The following KHDRBS2 variants were observed in gnomAD, a reference collection of about 807,000 sequenced individuals.
KHDRBS2 encodes KH RNA binding domain containing, signal transduction associated 2.
A neutral mutation model predicts 44.3 loss-of-function variants in KHDRBS2; 26 were observed. The ratio of observed to expected loss-of-function variants is 0.59; its 90% CI spans 0.43 to 0.81. KHDRBS2 has a LOEUF of 0.81. Among genes scored for constraint, KHDRBS2 ranks in the 40% least tolerant of loss-of-function variants. The probability of loss-of-function intolerance (pLI) is 0.00; values close to 1 mark genes in which losing one functional copy is unlikely to be tolerated. For missense variants in KHDRBS2, 476 were observed against 433.1 expected (o/e 1.10, Z -0.88); for synonymous variants, 194 against 151.1 (o/e 1.28, Z -2.08).
At chr6:61,970,346 T>C (rs1243414697) in intron 4 of KHDRBS2, among the ~76,000 whole-genome samples, 2 of 151,918 alleles carry the variant, frequency 1.3e-5, no homozygotes, top group African/African-American at 4.8e-5. Flanking sequence ...TCAAATGCAT[T>C]TAAAAAAAAA....
intron 4 of KHDRBS2, among the ~76,000 whole-genome samples, chr6:61,920,339 T>A (rs1361269148): frequency 1.3e-5 from 2 of 151,964 alleles, no homozygotes; most frequent in East Asian, 1.9e-4. Flanking sequence ...ATAATATGGA[T>A]GTTAGAAGGA....
intron 1 of KHDRBS2, among the ~76,000 whole-genome samples, chr6:62,280,072 A>G (rs573548955): frequency 6.6e-6 from 1 of 152,312 alleles, no homozygotes; most frequent in Admixed American, 6.5e-5. Context: ...GGCGTTCGTT[A>G]TGGGAATGAG....
the KHDRBS2 span, among the ~76,000 whole-genome samples, chr6:61,546,997 G>A: frequency 6.6e-6 from 1 of 152,010 alleles, no homozygotes; most frequent in Non-Finnish European, 1.5e-5. Context: ...TGGACAGGAT[G>A]CGATTCCATT....
Position 62,153,371 on chromosome 6 carries a change from C to A in KHDRBS2, c.219+23814G>T, listed in dbSNP as rs16881673. ...AAAAAAATGAGTACAGAATCAAATTCTTGGAGTCCAAGCATATTTCATCTC... is the reference window on the plus strand; with the variant it reads ...AAAAAAATGAGTACAGAATCAAATTATTGGAGTCCAAGCATATTTCATCTC... On this transcript the variant is annotated intron_variant, in intron 2 of 8. Transcript: ENST00000281156. Among the ~76,000 whole-genome samples, 1,447 of 152,216 alleles carry A rather than the reference C, an allele frequency of 9.5e-3. 25 individuals carry two copies. The highest frequency in any genetic ancestry group is 0.033 in the African/African-American group (1,388 of 41,532).
chr6:62,007,104 T>A (rs1251714713), intron 3 of KHDRBS2, among the ~76,000 whole-genome samples: 1 of 152,084 alleles, frequency 6.6e-6, no homozygotes, highest in Non-Finnish European at 1.5e-5. Flanking sequence ...GCTCCCATTA[T>A]AACCACAAGG....
the KHDRBS2 span, among the ~76,000 whole-genome samples, chr6:61,572,410 C>T: frequency 1.1e-4 from 16 of 152,042 alleles, no homozygotes; most frequent in African/African-American, 3.4e-4. Flanking sequence ...GAATCAGTAC[C>T]AATCTTACTG....
chr6:62,215,219 C>A (rs551837), intron 1 of KHDRBS2, among the ~76,000 whole-genome samples: 26,008 of 151,776 alleles, frequency 0.17, 2,697 homozygotes, highest in African/African-American at 0.25. Context: ...TTTTCCAATT[C>A]TGAGCTCTAG....
chr6:62,266,768 T>C (rs972227073), intron 1 of KHDRBS2, among the ~76,000 whole-genome samples: 3 of 151,978 alleles, frequency 2.0e-5, no homozygotes, highest in Non-Finnish European at 2.9e-5. Context: ...AAAATAAAGA[T>C]GTCAACAGAG....
At chr6:62,057,796 C>A (rs1790639407) in intron 2 of KHDRBS2, among the ~76,000 whole-genome samples, 2 of 151,876 alleles carry the variant, frequency 1.3e-5, no homozygotes, top group Non-Finnish European at 2.9e-5. Flanking sequence ...AAGTCAAATT[C>A]ATTTATGCTT....
chr6:62,018,867 G>A (rs1781741065), intron 3 of KHDRBS2, among the ~76,000 whole-genome samples: 1 of 152,162 alleles, frequency 6.6e-6, no homozygotes, highest in Admixed American at 6.5e-5. Flanking sequence ...TCTAATAATT[G>A]TTTTAATAAT....
chr6:62,163,356 A>G (rs963171948), intron 2 of KHDRBS2, among the ~76,000 whole-genome samples: 3 of 152,096 alleles, frequency 2.0e-5, no homozygotes, highest in Admixed American at 6.6e-5. Context: ...AAAACTGAAC[A>G]GCAATGTCTA....
At chr6:62,051,869 AT>A (rs1478466430) in intron 2 of KHDRBS2, among the ~76,000 whole-genome samples, 1 of 152,098 alleles carries the variant, frequency 6.6e-6, no homozygotes, top group Non-Finnish European at 1.5e-5. Flanking sequence ...CAACAGGTAT[AT>A]GAAAAGATGC....
At chr6:61,768,143 A>T (rs940347263) in intron 6 of KHDRBS2, among the ~76,000 whole-genome samples, 1 of 152,108 alleles carries the variant, frequency 6.6e-6, no homozygotes, top group African/African-American at 2.4e-5. Context: ...TTCCTTCAGT[A>T]CTTTAAATAT....
At chr6:61,655,919 G>A in the KHDRBS2 span, among the ~76,000 whole-genome samples, 4 of 151,968 alleles carry the variant, frequency 2.6e-5, no homozygotes, top group Non-Finnish European at 1.5e-5. Flanking sequence ...TTTGATAAAC[G>A]CCATTGCCTC....
intron 2 of KHDRBS2, among the ~76,000 whole-genome samples, chr6:62,057,004 C>T (rs1354141533): frequency 3.9e-5 from 6 of 151,928 alleles, no homozygotes; most frequent in Admixed American, 6.6e-5. Context: ...AATTCTTTTA[C>T]ACACTCTGTT....
Position 62,047,902 on chromosome 6 carries a change from T to C in KHDRBS2, c.312A>G (p.Lys104=), listed in dbSNP as rs1291899389. The change falls in exon 3 of 9, where the codon AAA becomes AAG. Residue 104 remains lysine, a synonymous_variant. Transcript: ENST00000281156. ...CCTTAGCTTTATCTCTCATTGATCC[T>C]TTGCCCAGGATAGACATTTTAGCAC... ...ETGAKMSILG[K]GSMRDKAKEE... The C allele has an allele frequency of 2.5e-6, 4 of 1,609,252 alleles. No individual in the cohort carries two copies. The African/African-American group carries it at 5.4e-5, about 22-fold the overall frequency.
chr6:61,983,232 C>CTTTCTT (rs1345365019), intron 3 of KHDRBS2, among the ~76,000 whole-genome samples: 1 of 90,192 alleles, frequency 1.1e-5, no homozygotes, highest in South Asian at 4.1e-4. Flanking sequence ...TTCTTTCTTT[C>CTTTCTT]TTTCTTTTTT....
chr6:61,563,953 T>C, the KHDRBS2 span, among the ~76,000 whole-genome samples: 4 of 152,134 alleles, frequency 2.6e-5, no homozygotes, highest in Non-Finnish European at 4.4e-5. Flanking sequence ...AGTCCGCTTA[T>C]GACCTTGGAC....
At chr6:62,270,054 T>C (rs1839821447) in intron 1 of KHDRBS2, among the ~76,000 whole-genome samples, 1 of 151,986 alleles carries the variant, frequency 6.6e-6, no homozygotes, top group Admixed American at 6.6e-5. Flanking sequence ...GAATAGGTGG[T>C]TCTTAAAGGA....
Sources: allele counts gnomAD v4.1 joint callset (sites outside exome capture counted in the v4.1 genomes callset), GRCh38; gene constraint gnomAD v4.1.1; transcripts MANE v1.5; gene names NCBI Gene and HGNC (gene_info 2026-07-23, HGNC 2026-07-21).